Variants in FMNL2 observed in about 807,000 individuals in gnomAD.
FMNL2 encodes the protein formin-like protein 2.
In FMNL2, 51 loss-of-function variants were observed where a neutral mutation model predicts 130.2. The ratio of observed to expected loss-of-function variants is 0.39; its 90% confidence interval spans 0.31 to 0.49. FMNL2 has a LOEUF of 0.49. FMNL2 is among the 20% of genes least tolerant of loss of function. The pLI is 0.85. For missense variants in FMNL2, 977 were observed against 1,316.2 expected (o/e 0.74, Z 3.99); for synonymous variants, 465 against 467.1 (o/e 1.00, Z 0.06).
chr2:152,427,978 C>T (rs1239142615), intron 1 of FMNL2, among the ~76,000 whole-genome samples: 1 of 152,158 alleles, frequency 6.6e-6, no homozygotes, highest in Non-Finnish European at 1.5e-5. Flanking sequence ...CTGTGCTATA[C>T]CTTGCCTTTT....
chr2:152,569,054 T>C (rs1352482370), intron 6 of FMNL2, among the ~76,000 whole-genome samples: 1 of 152,040 alleles, frequency 6.6e-6, no homozygotes, highest in African/African-American at 2.4e-5. Flanking sequence ...TACTACTTTA[T>C]ATTTTTAAAC....
intron 1 of FMNL2, among the ~76,000 whole-genome samples, chr2:152,455,898 A>G (rs1042983167): frequency 6.6e-6 from 1 of 152,138 alleles, no homozygotes; most frequent in Non-Finnish European, 1.5e-5. Context: ...AAATTTTTGT[A>G]GAGACGGGGT....
chr2:152,424,259 A>G (rs1195869921), intron 1 of FMNL2, among the ~76,000 whole-genome samples: 3 of 151,992 alleles, frequency 2.0e-5, no homozygotes. Flanking sequence ...GTGTCTGTCC[A>G]CCTTTGTATT....
chr2:152,427,106 G>T (rs921160081), intron 1 of FMNL2, among the ~76,000 whole-genome samples: 2 of 152,146 alleles, frequency 1.3e-5, no homozygotes, highest in Non-Finnish European at 2.9e-5. Context: ...ATGTTGGAAC[G>T]GTTAGGAGCA....
At chr2:152,440,161 C>T (rs1357369914) in intron 1 of FMNL2, among the ~76,000 whole-genome samples, 2 of 152,066 alleles carry the variant, frequency 1.3e-5, no homozygotes, top group African/African-American at 4.8e-5. Flanking sequence ...CGCTATGTTG[C>T]CCAGGCTGGT....
At chr2:152,430,501 C>T (rs115385304) in intron 1 of FMNL2, among the ~76,000 whole-genome samples, 250 of 152,308 alleles carry the variant, frequency 1.6e-3, no homozygotes, top group African/African-American at 5.7e-3. Context: ...ACGTTGAAGA[C>T]GTGAACATTG....
chr2:152,411,144 C>G (rs1686264155), intron 1 of FMNL2, among the ~76,000 whole-genome samples: 1 of 152,260 alleles, frequency 6.6e-6, no homozygotes, highest in East Asian at 1.9e-4. Flanking sequence ...ACTTCCTTTC[C>G]TAAGGGATAG....
chr2:152,506,039 G>T (rs994349703), intron 1 of FMNL2, among the ~76,000 whole-genome samples: 1 of 152,126 alleles, frequency 6.6e-6, no homozygotes, highest in Non-Finnish European at 1.5e-5. Context: ...GAAGTTACAT[G>T]TGAAAAAAAC....
intron 1 of FMNL2, among the ~76,000 whole-genome samples, chr2:152,385,150 G>C (rs1259922075): frequency 6.6e-6 from 1 of 152,208 alleles, no homozygotes; most frequent in African/African-American, 2.4e-5. Flanking sequence ...TTTGTTAAAA[G>C]AGTTAACAGT....
intron 1 of FMNL2, among the ~76,000 whole-genome samples, chr2:152,432,701 G>T (rs1482379639): frequency 6.6e-6 from 1 of 152,212 alleles, no homozygotes; most frequent in East Asian, 1.9e-4. Context: ...TTCCTTCTGA[G>T]GTTGAATTGG....
chr2:152,370,709 C>T (rs1683826390), intron 1 of FMNL2, among the ~76,000 whole-genome samples: 1 of 152,004 alleles, frequency 6.6e-6, no homozygotes, highest in South Asian at 2.1e-4. Flanking sequence ...AAGAATCATC[C>T]CAAAACAGGA....
chr2:152,486,502 T>C, intron 1 of FMNL2, among the ~76,000 whole-genome samples: 1 of 152,328 alleles, frequency 6.6e-6, no homozygotes, highest in African/African-American at 2.4e-5. Context: ...CAGTTTCTGG[T>C]TGAATTTTCT....
intron 9 of FMNL2, among the ~76,000 whole-genome samples, chr2:152,584,875 T>G (rs1696980873): frequency 6.6e-6 from 1 of 152,098 alleles, no homozygotes; most frequent in Non-Finnish European, 1.5e-5. Flanking sequence ...GTGCATGTTT[T>G]AGGAAGGCAG....
intron 9 of FMNL2, among the ~76,000 whole-genome samples, chr2:152,590,054 T>G (rs1228446183): frequency 6.8e-6 from 1 of 146,354 alleles, no homozygotes; most frequent in Non-Finnish European, 1.5e-5. Context: ...CATATATATA[T>G]ATATAATTTC....
At chr2:152,456,990 T>C (rs1178836885) in intron 1 of FMNL2, among the ~76,000 whole-genome samples, 1 of 151,706 alleles carries the variant, frequency 6.6e-6, no homozygotes, top group Admixed American at 6.6e-5. Flanking sequence ...GGGAGTTTCA[T>C]GATTAAAATA....
chr2:152,635,535 A>T (rs183962172), intron 21 of FMNL2, among the ~76,000 whole-genome samples: 1 of 152,264 alleles, frequency 6.6e-6, no homozygotes, highest in Admixed American at 6.5e-5. Flanking sequence ...CATTAAAATG[A>T]TGTATAACAT....
At chr2:152,486,958 G>A (rs1222261246) in intron 1 of FMNL2, among the ~76,000 whole-genome samples, 2 of 152,228 alleles carry the variant, frequency 1.3e-5, no homozygotes, top group Admixed American at 6.5e-5. Context: ...TCTTCTGTGT[G>A]TGTTAAAGTC....
At chr2:152,400,850 G>A (rs1167727422) in intron 1 of FMNL2, among the ~76,000 whole-genome samples, 4 of 152,210 alleles carry the variant, frequency 2.6e-5, no homozygotes, top group Non-Finnish European at 5.9e-5. Context: ...GTCACCCATA[G>A]TTGAGCCCCA....
At chr2:152,432,373 G>T (rs951031457) in intron 1 of FMNL2, among the ~76,000 whole-genome samples, 1 of 152,146 alleles carries the variant, frequency 6.6e-6, no homozygotes, top group Admixed American at 6.5e-5. Flanking sequence ...CATTGTGAAA[G>T]AATCATGCCA....
Sources: allele counts gnomAD v4.1 joint callset (sites outside exome capture counted in the v4.1 genomes callset), GRCh38; gene constraint gnomAD v4.1.1; transcripts MANE v1.5; gene names NCBI Gene and HGNC (gene_info 2026-07-23, HGNC 2026-07-21).